Variants in RBFOX1 observed in about 807,000 individuals in gnomAD.
The protein encoded by RBFOX1 is RNA binding fox-1 homolog 1.
Under a neutral mutation model 57.7 loss-of-function variants are expected in RBFOX1, and 8 were observed. The ratio of observed to expected loss-of-function variants is 0.14; its 90% CI spans 0.08 to 0.25. RBFOX1 has a LOEUF of 0.25. RBFOX1 is among the 10% of genes least tolerant of loss of function. The pLI is 1.00. For synonymous variants in RBFOX1, 326 were observed against 222.4 expected, an observed-to-expected ratio of 1.47 and a Z score of -4.15; for missense variants, 611 against 548.5, an observed-to-expected ratio of 1.11 and a Z score of -1.14.
At chr16:5,362,344 C>G (rs1031716022) in intron 1 of RBFOX1, among the ~76,000 whole-genome samples, 5 of 151,828 alleles carry the variant, frequency 3.3e-5, no homozygotes, top group African/African-American at 1.2e-4. Context: ...GTGCACGCCA[C>G]CACGCCCAGA....
intron 1 of RBFOX1, among the ~76,000 whole-genome samples, chr16:5,240,574 C>T (rs906508980): frequency 2.0e-5 from 3 of 152,222 alleles, no homozygotes; most frequent in African/African-American, 7.2e-5. Context: ...TCACCCAGCT[C>T]CTCACCTGCC....
intron 14 of RBFOX1, among the ~76,000 whole-genome samples, chr16:7,693,055 G>A (rs1232569961): frequency 2.0e-5 from 3 of 152,140 alleles, no homozygotes; most frequent in African/African-American, 7.2e-5. Context: ...ATCCTGGCAT[G>A]TTTTGGTAAC....
chr16:7,208,289 G>T (rs189070402), intron 4 of RBFOX1, among the ~76,000 whole-genome samples: 1 of 152,148 alleles, frequency 6.6e-6, no homozygotes, highest in East Asian at 1.9e-4. Flanking sequence ...GACTGTATTT[G>T]GAGACAGTTT....
chr16:5,616,491 CTGCCACCG>C (rs1163604580), intron 3 of RBFOX1, among the ~76,000 whole-genome samples: 2 of 152,122 alleles, frequency 1.3e-5, no homozygotes, highest in Non-Finnish European at 2.9e-5. Flanking sequence ...CACTGAACTG[CTGCCACCG>C]TGAATACGAG....
intron 2 of RBFOX1, among the ~76,000 whole-genome samples, chr16:6,551,781 A>C (rs909080902): frequency 5.3e-5 from 8 of 152,170 alleles, no homozygotes; most frequent in African/African-American, 1.7e-4. Context: ...TCCTTTTCCA[A>C]CCGGGACGTC....
intron 2 of RBFOX1, among the ~76,000 whole-genome samples, chr16:6,538,674 C>T (rs745320040): frequency 5.3e-5 from 8 of 152,296 alleles, no homozygotes; most frequent in Admixed American, 1.3e-4. Flanking sequence ...CTGTAGAAAA[C>T]GGTTTGGGAG....
intron 4 of RBFOX1, among the ~76,000 whole-genome samples, chr16:7,460,761 A>G (rs1262174078): frequency 6.6e-6 from 1 of 152,102 alleles, no homozygotes; most frequent in Non-Finnish European, 1.5e-5. Context: ...TGAATAGATA[A>G]ATAAATAAAA....
chr16:6,336,408 GTC>G (rs1257742467), intron 2 of RBFOX1, among the ~76,000 whole-genome samples: 1 of 151,286 alleles, frequency 6.6e-6, no homozygotes, highest in African/African-American at 2.4e-5. Flanking sequence ...TTTATTTTTA[GTC>G]TCAGTTGAAA....
intron 1 of RBFOX1, among the ~76,000 whole-genome samples, chr16:5,302,755 C>T (rs373254107): frequency 2.0e-5 from 3 of 152,180 alleles, no homozygotes; most frequent in Admixed American, 1.3e-4. Context: ...AGCTCTCTAA[C>T]ACTTAGTGTT....
intron 3 of RBFOX1, among the ~76,000 whole-genome samples, chr16:6,677,771 CA>C (rs1282010550): frequency 1.3e-5 from 2 of 152,112 alleles, no homozygotes; most frequent in African/African-American, 4.8e-5. Context: ...CATCACTATA[CA>C]AGTTATTAAT....
At chr16:7,208,954 C>G (rs181600487) in intron 4 of RBFOX1, among the ~76,000 whole-genome samples, 316 of 152,020 alleles carry the variant, frequency 2.1e-3, no homozygotes, top group African/African-American at 7.0e-3. Context: ...CATGAGGGAC[C>G]CATCTACTCT....
chr16:6,768,687 A>G (rs2077775161), intron 3 of RBFOX1, among the ~76,000 whole-genome samples: 1 of 146,714 alleles, frequency 6.8e-6, no homozygotes, highest in Non-Finnish European at 1.5e-5. Context: ...TGTAAAATAT[A>G]TATGTACCTA....
intron 3 of RBFOX1, among the ~76,000 whole-genome samples, chr16:7,032,357 A>G (rs1355404845): frequency 2.0e-5 from 3 of 152,104 alleles, no homozygotes; most frequent in African/African-American, 7.2e-5. Context: ...AGGCACAAGA[A>G]TTGCTTGAAC....
chr16:6,249,772 C>CTTTTTTTTTTTTTT (rs55802545), intron 1 of RBFOX1, among the ~76,000 whole-genome samples: 1 of 140,668 alleles, frequency 7.1e-6, no homozygotes, highest in Non-Finnish European at 1.5e-5. Flanking sequence ...CATTTTTTTT[C>CTTTTTTTTTTTTTT]TTTTTTTTTT....
rs909512833 is a variant in RBFOX1, at chr16:7,408,560, C to T, written c.28-109587C>T. On this transcript the variant is annotated intron_variant, in intron 4 of 15. Transcript: ENST00000550418. ...TGCCCATCGATTGTCCTGAGTATTGCGATTGCTGTTCCTGATAACTGACTT... is the reference window on the plus strand; with the variant it reads ...TGCCCATCGATTGTCCTGAGTATTGTGATTGCTGTTCCTGATAACTGACTT... Among the ~76,000 whole-genome samples the T allele has an allele frequency of 3.9e-5, 6 of 152,204 alleles. No homozygotes were observed. The South Asian group carries it at 6.2e-4, about 16-fold the overall frequency.
intron 2 of RBFOX1, among the ~76,000 whole-genome samples, chr16:5,506,039 A>G (rs1321140761): frequency 6.6e-6 from 1 of 152,174 alleles, no homozygotes; most frequent in Non-Finnish European, 1.5e-5. Flanking sequence ...GGTATCTCTC[A>G]GAGTCCTAGA....
At chr16:6,747,257 A>C (rs556645663) in intron 3 of RBFOX1, among the ~76,000 whole-genome samples, 10 of 152,218 alleles carry the variant, frequency 6.6e-5, no homozygotes, top group African/African-American at 2.4e-4. Context: ...AAAAATATAC[A>C]AATTAGCCTG....
chr16:6,902,749 A>T (rs577096510), intron 3 of RBFOX1, among the ~76,000 whole-genome samples: 2 of 152,284 alleles, frequency 1.3e-5, no homozygotes, highest in South Asian at 4.1e-4. Context: ...GTTTCCATAC[A>T]CATCAAGTTT....
At chr16:5,396,037 C>T (rs549662770) in intron 1 of RBFOX1, among the ~76,000 whole-genome samples, 1 of 152,302 alleles carries the variant, frequency 6.6e-6, no homozygotes, top group Non-Finnish European at 1.5e-5. Context: ...GGGAGAGAAC[C>T]CAACTAAGCC....
Sources: gnomAD v4.1 joint callset for allele counts (sites outside exome capture counted in the v4.1 genomes callset) on GRCh38, gnomAD v4.1.1 for gene constraint, MANE v1.5 for transcripts, NCBI Gene and HGNC (gene_info 2026-07-23, HGNC 2026-07-21) for gene names.